The following PRKN variants were observed in gnomAD, a reference collection of about 807,000 sequenced individuals.
PRKN encodes the protein E3 ubiquitin-protein ligase parkin.
In PRKN, 56 loss-of-function variants were observed where a neutral mutation model predicts 59.5. That is an observed-to-expected ratio of 0.94 (90% CI 0.76 to 1.18). The LOEUF (loss-of-function observed/expected upper bound fraction) is 1.18, where lower values mean the gene tolerates loss of function less well. PRKN is among the 50% of genes most tolerant of loss of function. The pLI is 0.00. For synonymous variants in PRKN, 250 were observed against 222.1 expected, an observed-to-expected ratio of 1.13 and a Z score of -1.12; for missense variants, 657 against 596.4, an observed-to-expected ratio of 1.10 and a Z score of -1.06.
rs957313568 is a variant in PRKN at position 161,423,392 on chromosome 6, T to C, written c.1084-36515A>G. Reference sequence around the variant, plus strand: ...ATGTAAATAATTCGGAGGTGAGTACTGCGATGCAGTTACACGTCGTAACCA... The same window carrying C: ...ATGTAAATAATTCGGAGGTGAGTACCGCGATGCAGTTACACGTCGTAACCA... On this transcript the variant is annotated intron_variant, in intron 9 of 11. Coordinates refer to ENST00000366898, the MANE Select transcript of PRKN (RefSeq NM_004562.3). This position sits in a 1 kb window ranked among gnomAD's most constrained non-coding sequence, Gnocchi z 5.9. Among the ~76,000 whole-genome samples, 2 of 152,194 alleles carry C rather than the reference T, an allele frequency of 1.3e-5. No homozygotes were observed. Among genetic ancestry groups the C allele is most frequent in the African/African-American group, 4.8e-5 (2 of 41,440 alleles).
In PRKN at chr6:161,549,279, CAA is replaced by C. The variant is rs1448031479; in HGVS notation, c.934-278_934-277del. ...TTTTGTCTTCAGAAAATAGATTTTC[CAA>C]AGTTTTGTATTTTATAAGATCGCTT... On this transcript the variant is annotated intron_variant, in intron 8 of 11. Coordinates refer to ENST00000366898, the MANE Select transcript of PRKN (RefSeq NM_004562.3). The surrounding 1 kb of genome is among the most constrained non-coding windows in gnomAD (Gnocchi z 6.0). Among the ~76,000 whole-genome samples the C allele has an allele frequency of 2.6e-5, 4 of 151,984 alleles. No homozygotes were observed. The highest frequency in any genetic ancestry group is 9.7e-5 in the African/African-American group (4 of 41,368).
intron 1 of PRKN, among the ~76,000 whole-genome samples, chr6:162,679,132 C>T (rs955123547): frequency 6.8e-6 from 1 of 147,290 alleles, no homozygotes; most frequent in Non-Finnish European, 1.5e-5. Context: ...GACAGTTTCG[C>T]CCTGTTGCCC....
rs1242691829 is a variant in PRKN, at chr6:161,357,841, C to T, written c.1285+2247G>A. Among the ~76,000 whole-genome samples the T allele has an allele frequency of 1.3e-5, 2 of 152,232 alleles. No individual in the cohort carries two copies. Among genetic ancestry groups the T allele is most frequent in the African/African-American group, 2.4e-5 (1 of 41,462 alleles). On this transcript the variant is annotated intron_variant, in intron 11 of 11. Coordinates refer to ENST00000366898, the MANE Select transcript of PRKN (RefSeq NM_004562.3). This position sits in a 1 kb window ranked among gnomAD's most constrained non-coding sequence, Gnocchi z 5.5. The stretch of plus-strand genomic sequence containing the variant: ...ACGAATCAGAGCACGTCTCACGGAG[C>T]GTGTTTGATGCACCGTCTCTGTTAC...
At chr6:161,601,225 A>G (rs1180070968) in intron 7 of PRKN, among the ~76,000 whole-genome samples, 1 of 152,164 alleles carries the variant, frequency 6.6e-6, no homozygotes. Context: ...TTAGACAAAA[A>G]AAATTTATTT....
At chr6:161,590,416 G>T (rs1781675647) in intron 7 of PRKN, among the ~76,000 whole-genome samples, 1 of 151,784 alleles carries the variant, frequency 6.6e-6, no homozygotes, top group Non-Finnish European at 1.5e-5. Context: ...TAGCCAACAT[G>T]GTGAAACCCC....
chr6:161,945,262 GA>G (rs543648297), intron 6 of PRKN, among the ~76,000 whole-genome samples: 1 of 151,958 alleles, frequency 6.6e-6, no homozygotes, highest in Non-Finnish European at 1.5e-5. Flanking sequence ...GGCAAGGTGA[GA>G]AAAAAAATTG....
At chr6:162,441,347 G>A (rs1209941812) in intron 2 of PRKN, among the ~76,000 whole-genome samples, 4 of 151,958 alleles carry the variant, frequency 2.6e-5, no homozygotes, top group Middle Eastern at 3.4e-3. Context: ...CTCTCTTCAG[G>A]TTCTAGAAGA....
rs753163084 is a variant in PRKN, at chr6:161,356,374, G to A, written c.1285+3714C>T. On this transcript the variant is annotated intron_variant, in intron 11 of 11. Transcript: ENST00000366898. The surrounding 1 kb of genome is among the most constrained non-coding windows in gnomAD (Gnocchi z 7.8). ...CCATGGGCAGTGACGACACAGAAGC[G>A]TCCTGGGGAGAGGAGCGGGACTGTG... Among the ~76,000 whole-genome samples the A allele has an allele frequency of 3.2e-4, 49 of 152,230 alleles. No individual in the cohort carries two copies. Among genetic ancestry groups the A allele is most frequent in the Non-Finnish European group, 5.9e-4 (40 of 68,048 alleles).
intron 1 of PRKN, among the ~76,000 whole-genome samples, chr6:162,487,409 C>A (rs1306606860): frequency 6.6e-6 from 1 of 152,188 alleles, no homozygotes; most frequent in Non-Finnish European, 1.5e-5. Context: ...ATCTCCCAGG[C>A]ACAAGCCTCT....
At chr6:162,358,168 G>A (rs1784956354) in intron 2 of PRKN, among the ~76,000 whole-genome samples, 2 of 152,282 alleles carry the variant, frequency 1.3e-5, no homozygotes, top group African/African-American at 4.8e-5. Context: ...GTGTGTTGGG[G>A]GAGAAATAGG....
intron 6 of PRKN, among the ~76,000 whole-genome samples, chr6:161,966,050 C>T (rs1215390368): frequency 2.6e-5 from 4 of 151,888 alleles, no homozygotes; most frequent in Non-Finnish European, 5.9e-5. Context: ...CAAATTTTCC[C>T]CCACAAAGGA....
chr6:162,307,775 T>C (rs918705414), intron 2 of PRKN, among the ~76,000 whole-genome samples: 3 of 152,154 alleles, frequency 2.0e-5, no homozygotes, highest in African/African-American at 7.2e-5. Context: ...ACAACATCCA[T>C]GCTCCCAAAC....
At chr6:161,570,455 T>C (rs1047330698) in intron 7 of PRKN, among the ~76,000 whole-genome samples, 1 of 151,204 alleles carries the variant, frequency 6.6e-6, no homozygotes, top group Non-Finnish European at 1.5e-5. Context: ...ACACAGATTT[T>C]TTCTTCTGCC....
At chr6:161,774,167 C>G (rs527405131) in intron 7 of PRKN, among the ~76,000 whole-genome samples, 1 of 152,046 alleles carries the variant, frequency 6.6e-6, no homozygotes, top group Admixed American at 6.6e-5. Flanking sequence ...GGTCCTTGTC[C>G]GTGTACCAGT....
intron 7 of PRKN, among the ~76,000 whole-genome samples, chr6:161,730,308 T>C (rs867832288): frequency 1.3e-5 from 2 of 148,464 alleles, no homozygotes; most frequent in South Asian, 2.1e-4. Context: ...TGATGTGTTG[T>C]ATTCTTTCTG....
intron 7 of PRKN, among the ~76,000 whole-genome samples, chr6:161,662,270 GT>G (rs1291063193): frequency 9.9e-5 from 15 of 152,166 alleles, no homozygotes; most frequent in Admixed American, 9.8e-4. Flanking sequence ...CACTCTGCCT[GT>G]GCTGACCTGG....
intron 1 of PRKN, among the ~76,000 whole-genome samples, chr6:162,501,472 C>T (rs527789256): frequency 2.0e-5 from 3 of 151,406 alleles, no homozygotes; most frequent in East Asian, 3.9e-4. Context: ...CTCAGCCTCC[C>T]GAATATCTGG....
intron 4 of PRKN, among the ~76,000 whole-genome samples, chr6:162,175,279 T>C (rs1211116746): frequency 2.0e-5 from 3 of 152,090 alleles, no homozygotes; most frequent in African/African-American, 4.8e-5. Flanking sequence ...TTTTAAAACA[T>C]AGTTTGAGAA....
intron 2 of PRKN, among the ~76,000 whole-genome samples, chr6:162,365,453 A>T (rs1178188278): frequency 6.6e-6 from 1 of 152,182 alleles, no homozygotes; most frequent in Non-Finnish European, 1.5e-5. Flanking sequence ...CAAAATCAAA[A>T]ATATGTACAT....
Sources: allele counts gnomAD v4.1 joint callset (sites outside exome capture counted in the v4.1 genomes callset), GRCh38; gene constraint gnomAD v4.1.1; non-coding constraint Gnocchi (gnomAD v3.1); transcripts MANE v1.5; gene names NCBI Gene and HGNC (gene_info 2026-07-23, HGNC 2026-07-21).